WWOX: variants seen among roughly 807,000 people sequenced by gnomAD.
WWOX encodes WW domain-containing oxidoreductase.
A neutral mutation model predicts 46.2 loss-of-function variants in WWOX; 69 were observed. That is an observed-to-expected ratio of 1.49 (90% CI 1.23 to 1.82). The LOEUF (loss-of-function observed/expected upper bound fraction) is 1.82. WWOX is among the 40% of genes most tolerant of loss of function. The probability of loss-of-function intolerance (pLI) is 0.00; values close to 1 mark genes in which losing one functional copy is unlikely to be tolerated. For synonymous variants in WWOX, 359 were observed against 202.6 expected, an observed-to-expected ratio of 1.77 and a Z score of -6.56; for missense variants, 919 against 542.6, an observed-to-expected ratio of 1.69 and a Z score of -6.89.
At chr16:78,858,967 C>T (rs1430571175) in intron 8 of WWOX, among the ~76,000 whole-genome samples, 1 of 134,268 alleles carries the variant, frequency 7.4e-6, no homozygotes, top group Non-Finnish European at 1.5e-5. Flanking sequence ...GTGTGAGCCA[C>T]CACGGCTGGC....
chr16:78,165,317 T>G (rs2034935334), intron 5 of WWOX, among the ~76,000 whole-genome samples: 1 of 152,224 alleles, frequency 6.6e-6, no homozygotes, highest in Non-Finnish European at 1.5e-5. Flanking sequence ...GGTCTACTGT[T>G]AAGGACAACA....
intron 8 of WWOX, among the ~76,000 whole-genome samples, chr16:78,588,723 C>T (rs1163971332): frequency 1.3e-5 from 2 of 152,260 alleles, no homozygotes; most frequent in Admixed American, 6.5e-5. Flanking sequence ...GAGTATGTCA[C>T]TTATTGACGT....
intron 8 of WWOX, among the ~76,000 whole-genome samples, chr16:78,541,633 G>A (rs1217488529): frequency 6.6e-6 from 1 of 151,956 alleles, no homozygotes; most frequent in Non-Finnish European, 1.5e-5. Flanking sequence ...GACAGACCTG[G>A]GATCAAATCC....
chr16:78,786,932 G>A (rs1362641146), intron 8 of WWOX, among the ~76,000 whole-genome samples: 2 of 152,178 alleles, frequency 1.3e-5, no homozygotes, highest in African/African-American at 4.8e-5. Context: ...TGGATCACTT[G>A]GGGTGAAGAG....
At chr16:78,326,577 G>GCCC (rs60010994) in intron 5 of WWOX, among the ~76,000 whole-genome samples, 6 of 32,774 alleles carry the variant, frequency 1.8e-4, no homozygotes, top group Non-Finnish European at 2.0e-4. Context: ...CCCTCCCCCC[G>GCCC]CCCCCCCCCC....
chr16:78,490,308 C>A (rs1842982738), intron 8 of WWOX, among the ~76,000 whole-genome samples: 1 of 145,370 alleles, frequency 6.9e-6, no homozygotes, highest in Middle Eastern at 3.2e-3. Flanking sequence ...ACAAATAACT[C>A]AGCGTTTAGT....
At chr16:78,463,801 T>C (rs80312799) in intron 8 of WWOX, among the ~76,000 whole-genome samples, 4,902 of 152,290 alleles carry the variant, frequency 0.032, 261 homozygotes, top group African/African-American at 0.11. Context: ...GTAAAGAGTT[T>C]AAAGAAGTGT....
At chr16:78,113,254 A>G (rs1277931395) in intron 3 of WWOX, among the ~76,000 whole-genome samples, 2 of 152,192 alleles carry the variant, frequency 1.3e-5, no homozygotes, top group Non-Finnish European at 2.9e-5. Flanking sequence ...GCGCTCTAAT[A>G]GTCATCCAGG....
intron 8 of WWOX, among the ~76,000 whole-genome samples, chr16:78,672,599 G>T (rs946441448): frequency 2.0e-5 from 3 of 152,194 alleles, no homozygotes; most frequent in African/African-American, 7.2e-5. Context: ...CCTGTAATGG[G>T]TTCTTTGCAA....
chr16:78,535,367 T>A (rs181688225), intron 8 of WWOX: 2 of 152,216 alleles, frequency 1.3e-5, no homozygotes, highest in African/African-American at 4.8e-5. Flanking sequence ...CTTCTCTCCA[T>A]CTCCTTACAG....
chr16:79,191,696 T>G (rs1318617848), intron 8 of WWOX, among the ~76,000 whole-genome samples: 1 of 152,142 alleles, frequency 6.6e-6, no homozygotes, highest in Non-Finnish European at 1.5e-5. Flanking sequence ...TGATAAAGAA[T>G]AAATACCACC....
intron 8 of WWOX, among the ~76,000 whole-genome samples, chr16:78,950,678 C>T (rs976023939): frequency 6.6e-6 from 1 of 152,030 alleles, no homozygotes; most frequent in Admixed American, 6.6e-5. Context: ...TTCCTTGGGT[C>T]AGTACTTTCT....
chr16:79,121,207 G>A (rs576941990), intron 8 of WWOX, among the ~76,000 whole-genome samples: 2 of 152,168 alleles, frequency 1.3e-5, no homozygotes, highest in Non-Finnish European at 2.9e-5. Flanking sequence ...CAGGTTCCGG[G>A]GAGTTGACAT....
intron 8 of WWOX, among the ~76,000 whole-genome samples, chr16:79,158,031 G>A (rs1252630548): frequency 6.6e-6 from 1 of 152,196 alleles, no homozygotes; most frequent in African/African-American, 2.4e-5. Context: ...GTGCCCCCAA[G>A]TGAGTTGTTT....
intron 8 of WWOX, among the ~76,000 whole-genome samples, chr16:79,108,400 A>T (rs1425247938): frequency 6.6e-6 from 1 of 152,166 alleles, no homozygotes; most frequent in Non-Finnish European, 1.5e-5. Flanking sequence ...TGTCTACCTG[A>T]CCACCCCTCC....
chr16:78,396,982 A>C lies in WWOX; in HGVS notation c.605+10034A>C, dbSNP rs573787481. Among the ~76,000 whole-genome samples, 10 of 152,336 alleles carry C rather than the reference A, an allele frequency of 6.6e-5. No homozygotes were observed. In the East Asian group the frequency reaches 1.9e-3, roughly 29 times the overall value. ...AGACCCTTTAAATGAAATTCATTTTACTAGCACCCTTTTTCATCATGAGAA... is the reference window on the plus strand; with the variant it reads ...AGACCCTTTAAATGAAATTCATTTTCCTAGCACCCTTTTTCATCATGAGAA... On this transcript the variant is annotated intron_variant, in intron 6 of 8. Coordinates refer to ENST00000566780, the MANE Select transcript of WWOX (RefSeq NM_016373.4).
At chr16:78,402,893 A>G (rs1253144621) in intron 6 of WWOX, among the ~76,000 whole-genome samples, 2 of 152,156 alleles carry the variant, frequency 1.3e-5, no homozygotes, top group African/African-American at 4.8e-5. Flanking sequence ...CCACATGTGA[A>G]TTAATCCTCA....
chr16:78,688,003 A>T (rs969125574), intron 8 of WWOX, among the ~76,000 whole-genome samples: 1 of 152,174 alleles, frequency 6.6e-6, no homozygotes, highest in Non-Finnish European at 1.5e-5. Flanking sequence ...TTTGCTGCCA[A>T]TTGCTGCCGA....
chr16:79,032,608 A>C (rs140203266), intron 8 of WWOX, among the ~76,000 whole-genome samples: 1 of 148,784 alleles, frequency 6.7e-6, no homozygotes, highest in Non-Finnish European at 1.5e-5. Context: ...ATATATAATG[A>C]ATATAATTAT....
Sources: gnomAD v4.1 joint callset for allele counts (sites outside exome capture counted in the v4.1 genomes callset) on GRCh38, gnomAD v4.1.1 for gene constraint, MANE v1.5 for transcripts, NCBI Gene and HGNC (gene_info 2026-07-23, HGNC 2026-07-21) for gene names.